Variants in SLC24A4 observed in about 807,000 individuals in gnomAD.
SLC24A4 encodes the protein sodium/potassium/calcium exchanger 4.
A neutral mutation model predicts 79.0 loss-of-function variants in SLC24A4; 53 were observed. The ratio of observed to expected loss-of-function variants is 0.67; its 90% CI spans 0.54 to 0.84. The LOEUF is 0.84. SLC24A4 is among the 40% of genes least tolerant of loss of function. The pLI, the probability that SLC24A4 is intolerant of heterozygous loss-of-function variation, is 0.00. For synonymous variants in SLC24A4, 323 were observed against 323.8 expected (o/e 1.00, Z 0.03); for missense variants, 731 against 822.0 (o/e 0.89, Z 1.35).
chr14:92,366,715 AT>A (rs1465295810), intron 2 of SLC24A4, among the ~76,000 whole-genome samples: 7 of 152,374 alleles, frequency 4.6e-5, no homozygotes, highest in Non-Finnish European at 8.8e-5. Context: ...CCACACCGAT[AT>A]GGCCTAACCT....
intron 2 of SLC24A4, among the ~76,000 whole-genome samples, chr14:92,338,985 A>G (rs1444623390): frequency 2.0e-5 from 3 of 152,220 alleles, no homozygotes; most frequent in African/African-American, 7.2e-5. Context: ...TGCACCCCTC[A>G]GGGAGCTGTG....
At chr14:92,434,458 A>G (rs1295804229) in intron 3 of SLC24A4, among the ~76,000 whole-genome samples, 2 of 152,228 alleles carry the variant, frequency 1.3e-5, no homozygotes, top group Non-Finnish European at 2.9e-5. Flanking sequence ...ATGATGTTAC[A>G]AAAGTGAGAC....
intron 12 of SLC24A4, among the ~76,000 whole-genome samples, chr14:92,464,846 C>T (rs1894014248): frequency 6.6e-6 from 1 of 152,230 alleles, no homozygotes; most frequent in Non-Finnish European, 1.5e-5. Context: ...AGTGTCTTCA[C>T]ATGGACCAGA....
intron 2 of SLC24A4, among the ~76,000 whole-genome samples, chr14:92,375,567 C>A (rs1309101291): frequency 6.6e-6 from 1 of 152,172 alleles, no homozygotes; most frequent in Non-Finnish European, 1.5e-5. Flanking sequence ...TGTCTATCAG[C>A]TGATGAATGG....
intron 2 of SLC24A4, among the ~76,000 whole-genome samples, chr14:92,420,464 C>T (rs61977276): frequency 0.066 from 10,044 of 151,372 alleles, 439 homozygotes; most frequent in East Asian, 0.097. Flanking sequence ...GGCGACAGAG[C>T]GAGACTCTGT....
chr14:92,465,790 A>G (rs938958628), intron 12 of SLC24A4, among the ~76,000 whole-genome samples: 3 of 151,318 alleles, frequency 2.0e-5, no homozygotes, highest in Non-Finnish European at 4.4e-5. Flanking sequence ...TGGTGCTGCC[A>G]GGGAGGCGTC....
At chr14:92,335,997 G>C (rs1054757764) in intron 2 of SLC24A4, among the ~76,000 whole-genome samples, 1 of 152,124 alleles carries the variant, frequency 6.6e-6, no homozygotes, top group Non-Finnish European at 1.5e-5. Context: ...GCAATCGGAA[G>C]TTTTTTTGGC....
intron 2 of SLC24A4, among the ~76,000 whole-genome samples, chr14:92,391,033 A>G (rs949489627): frequency 2.0e-4 from 31 of 152,182 alleles, no homozygotes; most frequent in African/African-American, 7.0e-4. Context: ...AAGAGGTGGA[A>G]TAAAGGCACC....
At chr14:92,392,958 C>T (rs1230175487) in intron 2 of SLC24A4, among the ~76,000 whole-genome samples, 2 of 151,878 alleles carry the variant, frequency 1.3e-5, no homozygotes, top group Non-Finnish European at 2.9e-5. Context: ...ATGGGAGGCA[C>T]CATCTATGAG....
intron 2 of SLC24A4, among the ~76,000 whole-genome samples, chr14:92,348,979 C>G (rs1013634820): frequency 3.3e-5 from 5 of 152,084 alleles, no homozygotes; most frequent in African/African-American, 1.2e-4. Context: ...GAGTTACCAG[C>G]TCGCAGGGAG....
intron 2 of SLC24A4, among the ~76,000 whole-genome samples, chr14:92,417,765 A>G (rs1320654880): frequency 6.6e-6 from 1 of 152,246 alleles, no homozygotes; most frequent in Non-Finnish European, 1.5e-5. Context: ...ACTGTGTTTC[A>G]ACTACCTGCG....
intron 12 of SLC24A4, among the ~76,000 whole-genome samples, chr14:92,476,275 C>T (rs1005916370): frequency 6.6e-6 from 1 of 152,114 alleles, no homozygotes; most frequent in East Asian, 1.9e-4. Flanking sequence ...TGTGGACTCA[C>T]CAGAGAAGAA....
In SLC24A4 at chr14:92,365,106, G is replaced by A. The variant is rs562634260; in HGVS notation, c.241+39128G>A. 3.3e-5 allele frequency among the ~76,000 whole-genome samples: 5 copies of A among 152,348 alleles called. No individual in the cohort carries two copies. In the South Asian group the frequency reaches 1.0e-3, roughly 32 times the overall value. ...CTCCCTTGGCACATTCAGGCCACTGGCACCGCCATCCTTAAAGTCTGCCCA... is the reference window on the plus strand; with the variant it reads ...CTCCCTTGGCACATTCAGGCCACTGACACCGCCATCCTTAAAGTCTGCCCA... On this transcript the variant is annotated intron_variant, in intron 2 of 16. Coordinates refer to ENST00000532405, the MANE Select transcript of SLC24A4 (RefSeq NM_153646.4).
In SLC24A4 at chr14:92,482,786, G is replaced by C. The variant is rs1332505660; in HGVS notation, c.1362G>C (p.Met454Ile). Residue 454 changes from methionine (M) to isoleucine (I), a missense_variant, in exon 13 of 17, where the codon ATG becomes ATC. Met to Ile is a conservative substitution (Grantham distance 10). Coordinates refer to ENST00000532405, the MANE Select transcript of SLC24A4 (RefSeq NM_153646.4). ...CSKPRWEKFFMVTFITATLWI... is the reference protein window; with the variant it reads ...CSKPRWEKFFIVTFITATLWI... ...AGCCCCGCTGGGAGAAGTTCTTCAT[G>C]GTCACCTTCATCACCGCCACGCTGT... 6.2e-7 allele frequency: 1 copy of C among 1,614,072 alleles called. No homozygotes were observed. The highest frequency in any genetic ancestry group is 8.5e-7 in the Non-Finnish European group (1 of 1,180,010).
At chr14:92,342,850 A>G (rs1287683313) in intron 2 of SLC24A4, among the ~76,000 whole-genome samples, 7 of 152,334 alleles carry the variant, frequency 4.6e-5, no homozygotes, top group East Asian at 3.9e-4. Flanking sequence ...CTCTGTGCCC[A>G]TCTTCTTGGA....
chr14:92,384,216 A>G (rs1340746252), intron 2 of SLC24A4, among the ~76,000 whole-genome samples: 2 of 152,178 alleles, frequency 1.3e-5, no homozygotes, highest in African/African-American at 4.8e-5. Flanking sequence ...AATTATCAGC[A>G]TAAGAAAGGA....
intron 12 of SLC24A4, among the ~76,000 whole-genome samples, chr14:92,475,071 T>C (rs1197504389): frequency 6.6e-6 from 1 of 151,628 alleles, no homozygotes; most frequent in African/African-American, 2.4e-5. Flanking sequence ...ACTGAGACTC[T>C]TCTATTGACA....
intron 4 of SLC24A4, among the ~76,000 whole-genome samples, chr14:92,440,758 G>A (rs1892446321): frequency 6.6e-6 from 1 of 151,894 alleles, no homozygotes. Context: ...GGGAGAGGGG[G>A]AGCATCTCTC....
chr14:92,468,790 A>G (rs1014066098), intron 12 of SLC24A4, among the ~76,000 whole-genome samples: 1 of 152,224 alleles, frequency 6.6e-6, no homozygotes, highest in Non-Finnish European at 1.5e-5. Flanking sequence ...AGCTAAAAAT[A>G]TAAAACTCTT....
Sources: gnomAD v4.1 joint callset for allele counts (sites outside exome capture counted in the v4.1 genomes callset) on GRCh38, gnomAD v4.1.1 for gene constraint, MANE v1.5 for transcripts, NCBI Gene and HGNC (gene_info 2026-07-23, HGNC 2026-07-21) for gene names.